LVRN: variants seen among roughly 807,000 people sequenced by gnomAD.
LVRN encodes the protein aminopeptidase Q.
LVRN carries 99 observed loss-of-function variants against 111.4 expected under a neutral mutation model. The ratio of observed to expected loss-of-function variants is 0.89; its 90% confidence interval spans 0.76 to 1.05. The LOEUF (loss-of-function observed/expected upper bound fraction) is 1.05. Among genes scored for constraint, LVRN ranks in the 50% least tolerant of loss-of-function variants. LVRN has a pLI of 0.00. For synonymous variants in LVRN, 488 were observed against 449.5 expected (o/e 1.09, Z -1.08); for missense variants, 1,414 against 1,206.8 (o/e 1.17, Z -2.54).
At chr5:115,993,229 A>T (rs1748033519) in intron 5 of LVRN, among the ~76,000 whole-genome samples, 1 of 144,374 alleles carries the variant, frequency 6.9e-6, no homozygotes, top group Admixed American at 7.2e-5. Context: ...GTTCAAACAG[A>T]AAATAATTAA....
intron 1 of LVRN, among the ~76,000 whole-genome samples, chr5:115,981,394 A>G (rs1273391451): frequency 1.3e-5 from 2 of 152,124 alleles, no homozygotes; most frequent in African/African-American, 4.8e-5. Context: ...AATATGACTC[A>G]TGTTTAATCT....
intron 1 of LVRN, among the ~76,000 whole-genome samples, chr5:115,982,398 A>G (rs558940319): frequency 1.8e-4 from 27 of 152,316 alleles, no homozygotes; most frequent in African/African-American, 6.5e-4. Context: ...AATGTATCAG[A>G]GACTTTAAGT....
chr5:115,976,676 G>T (rs1753456073), intron 1 of LVRN, among the ~76,000 whole-genome samples: 1 of 151,914 alleles, frequency 6.6e-6, no homozygotes, highest in Non-Finnish European at 1.5e-5. Context: ...TTTCCATTTG[G>T]ATTTTATCTT....
intron 13 of LVRN, among the ~76,000 whole-genome samples, chr5:116,006,754 T>C (rs545537417): frequency 6.6e-6 from 1 of 152,338 alleles, no homozygotes; most frequent in East Asian, 1.9e-4. Flanking sequence ...TGCCAGCAGA[T>C]GTAAGGTCCT....
chr5:115,978,499 C>T (rs1254241086), intron 1 of LVRN, among the ~76,000 whole-genome samples: 1 of 152,196 alleles, frequency 6.6e-6, no homozygotes, highest in Admixed American at 6.5e-5. Flanking sequence ...AGGACCCCAG[C>T]AGCCTATAAG....
chr5:116,006,732 G>A (rs775847595), intron 13 of LVRN, among the ~76,000 whole-genome samples: 16 of 152,130 alleles, frequency 1.1e-4, no homozygotes, highest in Middle Eastern at 3.4e-3. Context: ...ATTTTATTAC[G>A]TATCTGTAGA....
chr5:115,973,137 C>T (rs1753362950), intron 1 of LVRN, among the ~76,000 whole-genome samples: 1 of 152,106 alleles, frequency 6.6e-6, no homozygotes, highest in African/African-American at 2.4e-5. Context: ...GCCATGTTGC[C>T]CAGGCTGGTC....
chr5:115,994,972 C>T (rs1748074602), intron 6 of LVRN, among the ~76,000 whole-genome samples: 1 of 152,184 alleles, frequency 6.6e-6, no homozygotes, highest in Admixed American at 6.5e-5. Flanking sequence ...TTGCTCCTTC[C>T]TGCCTCTCTT....
intron 1 of LVRN, among the ~76,000 whole-genome samples, chr5:115,981,687 T>C (rs1753563414): frequency 6.6e-6 from 1 of 152,186 alleles, no homozygotes; most frequent in Non-Finnish European, 1.5e-5. Flanking sequence ...TCTTTCTAAC[T>C]GTTTTTCTTT....
intron 19 of LVRN, among the ~76,000 whole-genome samples, chr5:116,025,009 CA>C (rs1748832556): frequency 6.6e-6 from 1 of 152,140 alleles, no homozygotes; most frequent in African/African-American, 2.4e-5. Context: ...CCCTCCTAGA[CA>C]TACTCTCAAG....
intron 10 of LVRN, among the ~76,000 whole-genome samples, chr5:116,001,690 G>A (rs1748242888): frequency 6.6e-6 from 1 of 152,194 alleles, no homozygotes; most frequent in Admixed American, 6.5e-5. Context: ...GGTGTGCACG[G>A]ATGTGTGTGG....
chr5:116,026,197 G>A lies in LVRN; in HGVS notation c.*79G>A. 1 of 1,567,772 alleles carries A rather than the reference G, an allele frequency of 6.4e-7. No homozygotes were observed. Among genetic ancestry groups the A allele is most frequent in the Non-Finnish European group, 8.7e-7 (1 of 1,150,760 alleles). On this transcript the variant is annotated 3_prime_UTR_variant, in exon 20 of 20. Transcript: ENST00000357872. ...AGTTTTGTCTTCCAATACTTTGTGA[G>A]TCTGGAAAACCACACATTTTATTTG...
intron 5 of LVRN, among the ~76,000 whole-genome samples, chr5:115,992,590 C>G (rs1476378635): frequency 6.6e-6 from 1 of 152,146 alleles, no homozygotes; most frequent in Non-Finnish European, 1.5e-5. Flanking sequence ...ATTTTATTTT[C>G]ATTTCACCTA....
intron 1 of LVRN, among the ~76,000 whole-genome samples, chr5:115,967,122 G>A (rs904837839): frequency 2.6e-5 from 4 of 152,150 alleles, no homozygotes; most frequent in African/African-American, 9.7e-5. Context: ...AGGTCTTTCA[G>A]AGAATAAAAG....
intron 6 of LVRN, among the ~76,000 whole-genome samples, chr5:115,994,710 A>G (rs1286223567): frequency 6.6e-6 from 1 of 152,238 alleles, no homozygotes; most frequent in African/African-American, 2.4e-5. Context: ...AGATAAATAC[A>G]TCAATGTGAA....
chr5:115,983,822 T>TTTTAAA, intron 2 of LVRN, among the ~76,000 whole-genome samples: 1 of 152,278 alleles, frequency 6.6e-6, no homozygotes, highest in African/African-American at 2.4e-5. Flanking sequence ...ATCCAGAGAT[T>TTTTAAA]TTACATAAAA....
At position 116,000,030 on chromosome 5, in the gene LVRN, T is replaced by C. The variant is rs1025190493; in HGVS notation, c.1515+128T>C. 3.2e-5 allele frequency: 33 copies of C among 1,037,790 alleles called. No homozygotes were observed. The East Asian group carries it at 7.8e-4, about 25-fold the overall frequency. The allele number at this position is 1,037,790 out of a possible 1,614,324, so 64.3% of individuals were successfully genotyped here. A position where few individuals can be genotyped will look rare whatever the true frequency, so the allele number is the denominator to read the frequency against. ...TGAAAATAACCTTATTTTAATTCAA[T>C]ACATAGGTATCAGAAAACATGATTA... On this transcript the variant is annotated intron_variant, in intron 7 of 19. Transcript: ENST00000357872.
At chr5:116,003,782 C>T (rs1363929102) in intron 12 of LVRN, among the ~76,000 whole-genome samples, 1 of 151,960 alleles carries the variant, frequency 6.6e-6, no homozygotes, top group Non-Finnish European at 1.5e-5. Context: ...GGGGTTTCAC[C>T]GTGTTAGCCA....
Position 115,993,824 on chromosome 5 carries a change from A to T in LVRN, c.1344A>T (p.Val448=). The change falls in exon 6 of 20, where the codon GTA becomes GTT. Residue 448 remains valine (V), a synonymous_variant. Coordinates refer to ENST00000357872, the MANE Select transcript of LVRN (RefSeq NM_173800.5). ...TTGCATCTTATTTTGAGTTTGAAGT[A>T]ATTAACTACTTTAATCCTAAACTCC... ...EGFASYFEFE[V]INYFNPKLPR... 1 of 1,606,536 alleles carries T rather than the reference A, an allele frequency of 6.2e-7. No individual in the cohort carries two copies.
Sources: gnomAD v4.1 joint callset for allele counts (sites outside exome capture counted in the v4.1 genomes callset) on GRCh38, gnomAD v4.1.1 for gene constraint, MANE v1.5 for transcripts, NCBI Gene and HGNC (gene_info 2026-07-23, HGNC 2026-07-21) for gene names.